Variants in HIPK2 observed in about 807,000 individuals in gnomAD.
The protein encoded by HIPK2 is homeodomain-interacting protein kinase 2.
HIPK2 carries 27 observed loss-of-function variants against 113.7 expected under a neutral mutation model. That is an observed-to-expected ratio of 0.24 (90% CI 0.17 to 0.33). HIPK2 has a LOEUF of 0.33. Among genes scored for constraint, HIPK2 ranks in the 10% least tolerant of loss-of-function variants. The pLI, the probability that HIPK2 is intolerant of heterozygous loss-of-function variation, is 1.00. For synonymous variants in HIPK2, 631 were observed against 642.2 expected, an observed-to-expected ratio of 0.98 and a Z score of 0.26; for missense variants, 1,257 against 1,588.0, an observed-to-expected ratio of 0.79 and a Z score of 3.54.
chr7:139,716,766 G>C lies in HIPK2; in HGVS notation c.269C>G (p.Thr90Ser). The C allele has an allele frequency of 6.2e-7, 1 of 1,613,942 alleles. No individual in the cohort carries two copies. The highest frequency in any genetic ancestry group is 8.5e-7 in the Non-Finnish European group (1 of 1,179,884). The part of the protein sequence containing the change: ...YEQTIVFPGS[T>S]GHIVVTSASS... ...TGCTGAGGTGACCACGATGTGCCCGGTGCTTCCTGGGAAGACGATGGTCTG... is the reference window on the plus strand; with the variant it reads ...TGCTGAGGTGACCACGATGTGCCCGCTGCTTCCTGGGAAGACGATGGTCTG... The change falls in exon 2 of 15, where the codon ACC becomes AGC. Residue 90 changes from threonine to serine, a missense_variant. Physicochemically the swap from Thr to Ser is moderately conservative, Grantham distance 58. Around this residue, in one of 5 missense-constraint regions of HIPK2, gnomAD observed 209 missense variants for 237.8 expected, o/e 0.88. Transcript: ENST00000406875. The surrounding 1 kb of genome is among the most constrained non-coding windows in gnomAD (Gnocchi z 9.3).
At chr7:139,648,691 AGCCC>A (rs1345323495) in intron 2 of HIPK2, among the ~76,000 whole-genome samples, 1 of 152,040 alleles carries the variant, frequency 6.6e-6, no homozygotes, top group African/African-American at 2.4e-5. Context: ...CCTTCTCATC[AGCCC>A]CGTCTGCATC....
intron 1 of HIPK2, among the ~76,000 whole-genome samples, chr7:139,738,535 T>C (rs1333348370): frequency 1.3e-5 from 2 of 152,220 alleles, no homozygotes; most frequent in Non-Finnish European, 2.9e-5. Flanking sequence ...CACCATGATA[T>C]TTGTAACTTA....
intron 2 of HIPK2, among the ~76,000 whole-genome samples, chr7:139,644,326 C>A (rs1016202121): frequency 6.6e-6 from 1 of 152,228 alleles, no homozygotes; most frequent in Non-Finnish European, 1.5e-5. Flanking sequence ...GGTATTTCCT[C>A]CCATCCGCTG....
At chr7:139,600,676 C>A in intron 10 of HIPK2, 80 bp from the exon 11 acceptor site, 1 of 1,474,822 alleles carries the variant, frequency 6.8e-7, no homozygotes, top group Non-Finnish European at 9.2e-7. Flanking sequence ...GCTTCCTCCC[C>A]AATTAAACGC....
At chr7:139,619,174 A>G (rs2116828112) in intron 7 of HIPK2, among the ~76,000 whole-genome samples, 1 of 152,240 alleles carries the variant, frequency 6.6e-6, no homozygotes. Flanking sequence ...GGCCTAGGGG[A>G]AAAGGGTGGG....
chr7:139,626,359 T>G (rs1569457738), intron 6 of HIPK2, among the ~76,000 whole-genome samples: 3 of 152,058 alleles, frequency 2.0e-5, no homozygotes, highest in Non-Finnish European at 4.4e-5. Flanking sequence ...TGCCTGGGCC[T>G]CCCAAAGTGC....
At chr7:139,704,662 T>C (rs1794837455) in intron 2 of HIPK2, among the ~76,000 whole-genome samples, 1 of 152,184 alleles carries the variant, frequency 6.6e-6, no homozygotes, top group Non-Finnish European at 1.5e-5. Context: ...CAGGGGAGTC[T>C]TAAACAGGCT....
Position 139,566,782 on chromosome 7 carries a change from CA to C in HIPK2, c.*6144del, listed in dbSNP as rs1396813450. The C allele has an allele frequency of 2.6e-5, 4 of 152,178 alleles. No individual in the cohort carries two copies. Among genetic ancestry groups the C allele is most frequent in the Non-Finnish European group, 5.9e-5 (4 of 68,040 alleles). 9.4% of individuals were successfully genotyped at this position (152,178 alleles called of 1,614,324 possible). A position where few individuals can be genotyped will look rare whatever the true frequency, so the allele number is the denominator to read the frequency against. On this transcript the variant is annotated 3_prime_UTR_variant, in exon 15 of 15. Coordinates refer to ENST00000406875, the MANE Select transcript of HIPK2 (RefSeq NM_022740.5). The surrounding 1 kb of genome is among the most constrained non-coding windows in gnomAD (Gnocchi z 4.1). ...GCTATTATTTACTTGAGAGATATTG[CA>C]AATTTTAACAAATAAGGGACAGTCA...
intron 12 of HIPK2, among the ~76,000 whole-genome samples, chr7:139,596,266 T>C (rs1799208745): frequency 6.6e-6 from 1 of 152,224 alleles, no homozygotes; most frequent in Non-Finnish European, 1.5e-5. Flanking sequence ...CTGGCAGTTT[T>C]GAAAGATTAG....
intron 13 of HIPK2, among the ~76,000 whole-genome samples, chr7:139,582,493 A>G (rs1798700293): frequency 6.6e-6 from 1 of 152,246 alleles, no homozygotes; most frequent in African/African-American, 2.4e-5. Context: ...CTGCATCGTC[A>G]TGACGGTACT....
At chr7:139,586,036 A>C (rs1798823046) in intron 12 of HIPK2, among the ~76,000 whole-genome samples, 1 of 152,216 alleles carries the variant, frequency 6.6e-6, no homozygotes, top group Admixed American at 6.5e-5. Context: ...AAAAGCTTTA[A>C]AATAACCAGT....
At chr7:139,640,309 T>G (rs1478269850) in intron 2 of HIPK2, among the ~76,000 whole-genome samples, 1 of 152,218 alleles carries the variant, frequency 6.6e-6, no homozygotes, top group Non-Finnish European at 1.5e-5. Flanking sequence ...ACTCGCTCTC[T>G]TGACTGCACA....
chr7:139,675,497 C>G (rs1362245432), intron 2 of HIPK2, among the ~76,000 whole-genome samples: 2 of 152,094 alleles, frequency 1.3e-5, no homozygotes, highest in Non-Finnish European at 1.5e-5. Context: ...TTCTCACATG[C>G]GGACTCGACA....
rs532070469 is a variant in HIPK2 at position 139,688,117 on chromosome 7, T to C, written c.1103+27815A>G. Among the ~76,000 whole-genome samples the C allele has an allele frequency of 9.7e-4, 148 of 152,120 alleles. 1 individual carries two copies. Among genetic ancestry groups the C allele is most frequent in the Non-Finnish European group, 1.7e-3 (118 of 67,970 alleles). Reference sequence around the variant, plus strand: ...CCAACACACACACACACGCAGCCCATTGGGCCTGCAGGGACAATCCACTGG... The same window carrying C: ...CCAACACACACACACACGCAGCCCACTGGGCCTGCAGGGACAATCCACTGG... On this transcript the variant is annotated intron_variant, in intron 2 of 14. Transcript: ENST00000406875.
chr7:139,653,540 A>AG (rs1801541222), intron 2 of HIPK2, among the ~76,000 whole-genome samples: 1 of 151,636 alleles, frequency 6.6e-6, no homozygotes, highest in Admixed American at 6.6e-5. Context: ...TGCCATTGAG[A>AG]GGCACAGGTG....
In HIPK2 at chr7:139,626,711, C is replaced by G; in HGVS notation, c.1509G>C (p.Leu503=). The G allele has an allele frequency of 1.2e-6, 2 of 1,613,972 alleles. No individual in the cohort carries two copies. Among genetic ancestry groups the G allele is most frequent in the South Asian group, 2.2e-5 (2 of 91,076 alleles). Residue 503 remains leucine (L), a synonymous_variant, in exon 6 of 15, where the codon CTG becomes CTC. Coordinates refer to ENST00000406875, the MANE Select transcript of HIPK2 (RefSeq NM_022740.5). ...EKADRREFID[L]LKKMLTIDAD... ...CATCAATGGTCAGCATCTTCTTCAA[C>G]AGGTCAATGAACTCCCGCCGGTCAG...
intron 11 of HIPK2, among the ~76,000 whole-genome samples, chr7:139,598,308 T>A (rs1799293643): frequency 1.3e-5 from 2 of 152,218 alleles, no homozygotes; most frequent in African/African-American, 4.8e-5. Context: ...ATGAAAATAA[T>A]TCAATAAAGG....
chr7:139,751,470 A>G (rs550698714), intron 1 of HIPK2, among the ~76,000 whole-genome samples: 1 of 149,792 alleles, frequency 6.7e-6, no homozygotes, highest in Non-Finnish European at 1.5e-5. Context: ...GTTATAGCCT[A>G]TAAGAAGGGG....
intron 6 of HIPK2, among the ~76,000 whole-genome samples, chr7:139,621,152 G>C (rs1351023662): frequency 6.6e-6 from 1 of 152,138 alleles, no homozygotes; most frequent in Non-Finnish European, 1.5e-5. Context: ...TAATAATAGT[G>C]GTTAACATTT....
Sources: allele counts gnomAD v4.1 joint callset (sites outside exome capture counted in the v4.1 genomes callset), GRCh38; gene constraint gnomAD v4.1.1; regional missense constraint gnomAD v4.1.1; non-coding constraint Gnocchi (gnomAD v3.1); transcripts MANE v1.5; gene names NCBI Gene and HGNC (gene_info 2026-07-23, HGNC 2026-07-21).